Variants in FDFT1 observed in about 807,000 individuals in gnomAD.
FDFT1 encodes the protein farnesyl-diphosphate farnesyltransferase 1.
In FDFT1, 68 loss-of-function variants were observed where a neutral mutation model predicts 46.8. The ratio of observed to expected loss-of-function variants is 1.45; its 90% CI spans 1.19 to 1.78. The LOEUF is 1.78. Among genes scored for constraint, FDFT1 ranks in the 40% most tolerant of loss-of-function variants. FDFT1 has a pLI of 0.00. For synonymous variants in FDFT1, 351 were observed against 185.1 expected (o/e 1.90, Z -7.28); for missense variants, 928 against 524.4 (o/e 1.77, Z -7.52).
At chr8:11,808,753 C>A (rs753503813) in intron 1 of FDFT1, 41 bp from the exon 2 acceptor site, 1 of 1,604,640 alleles carries the variant, frequency 6.2e-7, no homozygotes, top group Admixed American at 1.7e-5. Flanking sequence ...CACTCCTGCT[C>A]CTCGACGTCT....
At chr8:11,821,946 T>C in intron 4 of FDFT1, 68 bp downstream of exon 4, 1 of 1,567,556 alleles carries the variant, frequency 6.4e-7, no homozygotes, top group Non-Finnish European at 8.7e-7. Context: ...ATAGTGAAGC[T>C]CAGAACAAGA....
At chr8:11,829,763 G>A (rs1028903054) in intron 5 of FDFT1, among the ~76,000 whole-genome samples, 4 of 152,116 alleles carry the variant, frequency 2.6e-5, no homozygotes, top group Admixed American at 2.6e-4. Context: ...GCTATTGCAT[G>A]GAGCTTAAAA....
chr8:11,803,206 G>T (rs1039523319), intron 1 of FDFT1: 3 of 1,409,866 alleles, frequency 2.1e-6, no homozygotes, highest in South Asian at 2.6e-5. Flanking sequence ...CGTCCCCTCC[G>T]TGAGCATCGG....
chr8:11,833,260 G>C (rs1811104216), intron 7 of FDFT1, among the ~76,000 whole-genome samples: 2 of 152,200 alleles, frequency 1.3e-5, no homozygotes, highest in Admixed American at 1.3e-4. Context: ...TAGGTGGGTA[G>C]GAGTAATCTC....
intron 3 of FDFT1, among the ~76,000 whole-genome samples, chr8:11,817,452 C>A (rs545206525): frequency 2.0e-5 from 3 of 152,218 alleles, no homozygotes; most frequent in Non-Finnish European, 4.4e-5. Flanking sequence ...ACCAGCTCCT[C>A]TTTGTACCTC....
intron 1 of FDFT1, 105 bp from the exon 2 acceptor site, chr8:11,808,689 C>T (rs1343033186): frequency 2.0e-6 from 3 of 1,510,148 alleles, no homozygotes; most frequent in South Asian, 2.5e-5. Context: ...GGGCGGCAGG[C>T]TGTGGAGCCG....
intron 4 of FDFT1, among the ~76,000 whole-genome samples, chr8:11,824,194 C>G (rs964979776): frequency 2.6e-5 from 4 of 152,116 alleles, no homozygotes; most frequent in African/African-American, 9.7e-5. Flanking sequence ...CACTCCAGAG[C>G]TTACCTTCTT....
intron 3 of FDFT1, among the ~76,000 whole-genome samples, chr8:11,817,429 C>G (rs1183057290): frequency 6.6e-6 from 1 of 152,132 alleles, no homozygotes; most frequent in Non-Finnish European, 1.5e-5. Flanking sequence ...GGAATAGTTT[C>G]AGAAGGAATG....
At chr8:11,796,411 T>C (rs1463512837) in intron 1 of FDFT1, among the ~76,000 whole-genome samples, 3 of 152,068 alleles carry the variant, frequency 2.0e-5, no homozygotes, top group African/African-American at 7.2e-5. Context: ...AAAGTTCAGG[T>C]TGGGAGGAAC....
At chr8:11,831,995 T>C (rs1810868796) in intron 7 of FDFT1, among the ~76,000 whole-genome samples, 1 of 152,074 alleles carries the variant, frequency 6.6e-6, no homozygotes, top group Non-Finnish European at 1.5e-5. Context: ...GAATGTGAGG[T>C]TGAAGCTTGT....
upstream of FDFT1, among the ~76,000 whole-genome samples, chr8:11,800,820 C>T (rs1007392061): frequency 6.6e-6 from 1 of 152,170 alleles, no homozygotes; most frequent in Non-Finnish European, 1.5e-5. Flanking sequence ...TGAAGAGGAA[C>T]CTCTACTTTA....
intron 3 of FDFT1, among the ~76,000 whole-genome samples, chr8:11,821,187 T>C (rs1003815849): frequency 6.6e-6 from 1 of 152,254 alleles, no homozygotes; most frequent in African/African-American, 2.4e-5. Flanking sequence ...AGCATCTCAT[T>C]ATACATTGGA....
At chr8:11,807,290 A>T (rs551999052) in intron 1 of FDFT1, among the ~76,000 whole-genome samples, 1 of 152,182 alleles carries the variant, frequency 6.6e-6, no homozygotes, top group African/African-American at 2.4e-5. Context: ...TAGCTAGACT[A>T]TAGGTGGGCG....
At chr8:11,807,325 ATTTTTT>A (rs1563298529) in intron 1 of FDFT1, among the ~76,000 whole-genome samples, 1 of 151,682 alleles carries the variant, frequency 6.6e-6, no homozygotes, top group South Asian at 2.1e-4. Flanking sequence ...TTTTTAAAAA[ATTTTTT>A]AAAAACTTTT....
upstream of FDFT1, among the ~76,000 whole-genome samples, chr8:11,798,578 C>G (rs1805799596): frequency 6.6e-6 from 1 of 152,162 alleles, no homozygotes; most frequent in Non-Finnish European, 1.5e-5. Context: ...TCAATGACAC[C>G]TGGATTTTGT....
intron 4 of FDFT1, among the ~76,000 whole-genome samples, chr8:11,822,307 C>CT (rs1426534412): frequency 6.6e-6 from 1 of 151,564 alleles, no homozygotes; most frequent in Non-Finnish European, 1.5e-5. Context: ...TTTCAGACAT[C>CT]TAAAGTGTTG....
At chr8:11,831,725 A>T in intron 7 of FDFT1, 55 bp downstream of exon 7, 2 of 1,389,642 alleles carry the variant, frequency 1.4e-6, no homozygotes, top group Admixed American at 3.4e-5. Context: ...TGATTTAGTA[A>T]TGTCACTGTT....
chr8:11,804,574 C>G (rs1282704325), intron 1 of FDFT1, among the ~76,000 whole-genome samples: 1 of 148,632 alleles, frequency 6.7e-6, no homozygotes, highest in Non-Finnish European at 1.5e-5. Flanking sequence ...ATACATTTCC[C>G]TTCACTTAAC....
At chr8:11,834,246 G>A (rs1052239901) in intron 7 of FDFT1, among the ~76,000 whole-genome samples, 1 of 152,214 alleles carries the variant, frequency 6.6e-6, no homozygotes, top group African/African-American at 2.4e-5. Flanking sequence ...GTCTTCACGA[G>A]CAGTTGGCCA....
Sources: gnomAD v4.1 joint callset for allele counts (sites outside exome capture counted in the v4.1 genomes callset) on GRCh38, gnomAD v4.1.1 for gene constraint, MANE v1.5 for transcripts, NCBI Gene and HGNC (gene_info 2026-07-23, HGNC 2026-07-21) for gene names.